ATG7: variants seen among roughly 807,000 people sequenced by gnomAD.
ATG7 encodes ubiquitin-like modifier-activating enzyme ATG7.
Under a neutral mutation model 82.4 loss-of-function variants are expected in ATG7, and 70 were observed. The observed-to-expected ratio is 0.85, with a 90% CI of 0.70 to 1.04. The LOEUF is 1.04. Among genes scored for constraint, ATG7 ranks in the 50% least tolerant of loss-of-function variants. The pLI is 0.00. For synonymous variants in ATG7, 287 were observed against 313.0 expected (o/e 0.92, Z 0.88); for missense variants, 792 against 864.3 (o/e 0.92, Z 1.05).
At position 11,341,009 on chromosome 3, in the gene ATG7, G is replaced by A. The variant is rs139319177; in HGVS notation, c.980+274G>A. Among the ~76,000 whole-genome samples, 695 of 152,256 alleles carry A rather than the reference G, an allele frequency of 4.6e-3. 4 individuals are homozygous for A. The highest frequency in any genetic ancestry group is 0.016 in the African/African-American group (661 of 41,526). On this transcript the variant is annotated intron_variant, in intron 12 of 20. Coordinates refer to ENST00000693202, the MANE Select transcript of ATG7 (RefSeq NM_001349232.2). ...AGACCACCAGCGTACCTGTACTGCCGTTCAGTCCTTTATGCATTGTCCTCT... is the reference window on the plus strand; with the variant it reads ...AGACCACCAGCGTACCTGTACTGCCATTCAGTCCTTTATGCATTGTCCTCT...
intron 20 of ATG7, among the ~76,000 whole-genome samples, chr3:11,459,870 T>C (rs1045472549): frequency 2.6e-5 from 4 of 152,232 alleles, no homozygotes; most frequent in African/African-American, 9.6e-5. Flanking sequence ...TGATGCTTAA[T>C]GTGCCAGATG....
intron 20 of ATG7, among the ~76,000 whole-genome samples, chr3:11,511,524 G>C (rs1363739420): frequency 6.6e-6 from 1 of 152,234 alleles, no homozygotes; most frequent in Non-Finnish European, 1.5e-5. Flanking sequence ...CAGGAGCCCA[G>C]CTGGCTTCAC....
At chr3:11,362,519 C>A (rs530859814) in intron 16 of ATG7, among the ~76,000 whole-genome samples, 23 of 152,352 alleles carry the variant, frequency 1.5e-4, no homozygotes, top group Non-Finnish European at 3.4e-4. Flanking sequence ...TAAAGGAACA[C>A]ATGATGCAGT....
intron 7 of ATG7, among the ~76,000 whole-genome samples, chr3:11,313,064 T>C (rs1260011958): frequency 6.6e-6 from 1 of 152,236 alleles, no homozygotes; most frequent in East Asian, 1.9e-4. Context: ...AAGTGGTCAA[T>C]AAAGTATATT....
At chr3:11,576,185 T>C in the ATG7 span, among the ~76,000 whole-genome samples, 1 of 152,206 alleles carries the variant, frequency 6.6e-6, no homozygotes, top group Non-Finnish European at 1.5e-5. Context: ...CAGCCAGCAG[T>C]GGATGCCCAC....
At chr3:11,475,162 A>G (rs2088002544) in intron 20 of ATG7, among the ~76,000 whole-genome samples, 1 of 152,106 alleles carries the variant, frequency 6.6e-6, no homozygotes, top group Non-Finnish European at 1.5e-5. Context: ...ATCATAGACC[A>G]GGCCAGGGAA....
chr3:11,420,389 G>A (rs9826803), intron 19 of ATG7, among the ~76,000 whole-genome samples: 92,433 of 151,846 alleles, frequency 0.61, 28,406 homozygotes, highest in East Asian at 0.7. Flanking sequence ...TAGTTTTTCC[G>A]TGGTCAGATA....
intron 13 of ATG7, among the ~76,000 whole-genome samples, chr3:11,347,387 A>C (rs1381450584): frequency 6.6e-6 from 1 of 152,236 alleles, no homozygotes; most frequent in Non-Finnish European, 1.5e-5. Flanking sequence ...CTCTTGAAGA[A>C]ATGGTACAAA....
intron 18 of ATG7, among the ~76,000 whole-genome samples, chr3:11,372,014 G>A (rs2077031638): frequency 6.6e-6 from 1 of 151,428 alleles, no homozygotes; most frequent in African/African-American, 2.4e-5. Flanking sequence ...GACCTATTCT[G>A]ATGCTTTTTG....
chr3:11,452,833 A>AT (rs950402549), intron 20 of ATG7, among the ~76,000 whole-genome samples: 17 of 152,120 alleles, frequency 1.1e-4, no homozygotes, highest in Non-Finnish European at 2.5e-4. Context: ...TCTTTTTAGT[A>AT]TTTTTTTAAA....
At chr3:11,550,797 T>G (rs1449118853) in intron 20 of ATG7, among the ~76,000 whole-genome samples, 1 of 152,154 alleles carries the variant, frequency 6.6e-6, no homozygotes, top group Non-Finnish European at 1.5e-5. Context: ...CCGTGCATAT[T>G]GCATGCATGT....
chr3:11,511,669 C>T (rs57425282), intron 20 of ATG7, among the ~76,000 whole-genome samples: 2,454 of 152,250 alleles, frequency 0.016, 67 homozygotes, highest in African/African-American at 0.056. Flanking sequence ...GGGGAGGCTC[C>T]GGCCGCACAG....
At chr3:11,388,167 T>A (rs1043322858) in intron 19 of ATG7, among the ~76,000 whole-genome samples, 1 of 152,122 alleles carries the variant, frequency 6.6e-6, no homozygotes, top group Non-Finnish European at 1.5e-5. Context: ...GAACTGACCA[T>A]CTACCTCTGG....
chr3:11,284,076 C>T (rs1400760572), intron 3 of ATG7, among the ~76,000 whole-genome samples: 1 of 152,132 alleles, frequency 6.6e-6, no homozygotes, highest in East Asian at 1.9e-4. Context: ...TCTAGCTTCC[C>T]CTAAAGACAG....
At chr3:11,440,839 A>C (rs992225929) in intron 20 of ATG7, among the ~76,000 whole-genome samples, 4 of 151,554 alleles carry the variant, frequency 2.6e-5, no homozygotes, top group African/African-American at 9.7e-5. Flanking sequence ...ATCTGCTACC[A>C]TGCCTGGCTA....
rs372088418 is a variant in ATG7, at chr3:11,471,692, CTTTT to C, written c.2079+44774_2079+44777del. Among the ~76,000 whole-genome samples, 87 of 116,478 alleles carry C rather than the reference CTTTT, an allele frequency of 7.5e-4. No homozygotes were observed. In the Middle Eastern group the frequency reaches 0.016, roughly 22 times the overall value. 76.4% of individuals were successfully genotyped at this position (116,478 alleles called of 152,430 possible). On this transcript the variant is annotated intron_variant, in intron 20 of 20. Coordinates refer to ENST00000693202, the MANE Select transcript of ATG7 (RefSeq NM_001349232.2). ...TCTCGGTGTCTCACATATTCCAACT[CTTTT>C]TTTTTTTAGAACTCAGAAAAGTACT...
intron 20 of ATG7, among the ~76,000 whole-genome samples, chr3:11,535,860 C>T (rs1207494214): frequency 1.3e-5 from 2 of 152,190 alleles, no homozygotes; most frequent in Non-Finnish European, 2.9e-5. Context: ...CATATCAGTC[C>T]TTTTTAAAGA....
chr3:11,570,811 T>C, the ATG7 span, among the ~76,000 whole-genome samples: 1 of 152,198 alleles, frequency 6.6e-6, no homozygotes, highest in African/African-American at 2.4e-5. Context: ...TGCTTCTAAA[T>C]GTCCCCGAGC....
At chr3:11,537,127 G>C (rs2070382037) in intron 20 of ATG7, among the ~76,000 whole-genome samples, 2 of 152,050 alleles carry the variant, frequency 1.3e-5, no homozygotes. Context: ...CGGAGCCCCT[G>C]GGATCTTTGC....
Sources: gnomAD v4.1 joint callset for allele counts (sites outside exome capture counted in the v4.1 genomes callset) on GRCh38, gnomAD v4.1.1 for gene constraint, MANE v1.5 for transcripts, NCBI Gene and HGNC (gene_info 2026-07-23, HGNC 2026-07-21) for gene names.